MGMT: variants seen among roughly 807,000 people sequenced by gnomAD.
MGMT encodes O-6-methylguanine-DNA methyltransferase.
A neutral mutation model predicts 15.9 loss-of-function variants in MGMT; 14 were observed. That is an observed-to-expected ratio of 0.88 (90% CI 0.58 to 1.37). The LOEUF (loss-of-function observed/expected upper bound fraction) is 1.37, where lower values mean the gene tolerates loss of function less well. Among genes scored for constraint, MGMT ranks in the 40% most tolerant of loss-of-function variants. MGMT has a pLI of 0.00. For missense variants in MGMT, 282 were observed against 268.1 expected (o/e 1.05, Z -0.36); for synonymous variants, 130 against 118.2 (o/e 1.10, Z -0.65).
intron 2 of MGMT, among the ~76,000 whole-genome samples, chr10:129,677,803 G>A (rs1243453251): frequency 1.3e-5 from 2 of 152,174 alleles, no homozygotes; most frequent in South Asian, 2.1e-4. Flanking sequence ...AGGTCACCGA[G>A]GCCACTGCCA....
intron 2 of MGMT, among the ~76,000 whole-genome samples, chr10:129,587,055 C>T (rs1405013646): frequency 6.6e-6 from 1 of 152,140 alleles, no homozygotes; most frequent in Non-Finnish European, 1.5e-5. Context: ...AGATCTTGTT[C>T]CACTGTCTCT....
At chr10:129,583,008 A>G (rs889444764) in intron 2 of MGMT, among the ~76,000 whole-genome samples, 1 of 152,212 alleles carries the variant, frequency 6.6e-6, no homozygotes, top group African/African-American at 2.4e-5. Context: ...TCCCTAAAAG[A>G]CAGATTGCCA....
chr10:129,738,200 A>T (rs1342711482), intron 3 of MGMT, among the ~76,000 whole-genome samples: 1 of 152,188 alleles, frequency 6.6e-6, no homozygotes, highest in African/African-American at 2.4e-5. Context: ...GCTAGCAATC[A>T]GCGAGACTCC....
At chr10:129,737,890 T>G (rs868672508) in intron 3 of MGMT, among the ~76,000 whole-genome samples, 10 of 152,228 alleles carry the variant, frequency 6.6e-5, no homozygotes, top group African/African-American at 2.4e-4. Context: ...AGGGACCCAC[T>G]TGAGGAGGCA....
chr10:129,529,682 T>G (rs892350875), intron 1 of MGMT, among the ~76,000 whole-genome samples: 4 of 152,126 alleles, frequency 2.6e-5, no homozygotes, highest in Non-Finnish European at 5.9e-5. Flanking sequence ...TCAGAATTAT[T>G]TTACACCTCA....
chr10:129,539,806 T>C (rs1010361667), intron 2 of MGMT, among the ~76,000 whole-genome samples: 15 of 152,210 alleles, frequency 9.9e-5, no homozygotes, highest in Non-Finnish European at 1.9e-4. Flanking sequence ...GCGCCCGGCC[T>C]GTGATACATC....
intron 2 of MGMT, among the ~76,000 whole-genome samples, chr10:129,596,404 T>C (rs1352121541): frequency 6.6e-6 from 1 of 152,200 alleles, no homozygotes; most frequent in East Asian, 1.9e-4. Flanking sequence ...ACCAAGATGA[T>C]CTTGGAAAGA....
At chr10:129,523,146 G>A (rs1845831305) in intron 1 of MGMT, among the ~76,000 whole-genome samples, 1 of 152,246 alleles carries the variant, frequency 6.6e-6, no homozygotes, top group African/African-American at 2.4e-5. Flanking sequence ...TGAAGTGCCA[G>A]AAAATTCCCA....
chr10:129,485,968 C>G (rs1845404414), intron 1 of MGMT, among the ~76,000 whole-genome samples: 1 of 152,146 alleles, frequency 6.6e-6, no homozygotes, highest in South Asian at 2.1e-4. Flanking sequence ...TATTCTGGCC[C>G]TCACAGAATA....
chr10:129,702,725 G>A (rs1848113782), intron 2 of MGMT, among the ~76,000 whole-genome samples: 1 of 152,232 alleles, frequency 6.6e-6, no homozygotes, highest in Non-Finnish European at 1.5e-5. Flanking sequence ...GGGCTTCCGA[G>A]CAAAGGTGCT....
intron 3 of MGMT, among the ~76,000 whole-genome samples, chr10:129,755,112 C>T (rs955921977): frequency 2.0e-5 from 3 of 152,230 alleles, no homozygotes; most frequent in African/African-American, 7.2e-5. Flanking sequence ...TCAGCCCTCA[C>T]GTAGCTGCTC....
At chr10:129,552,849 C>T (rs1362609925) in intron 2 of MGMT, among the ~76,000 whole-genome samples, 3 of 152,208 alleles carry the variant, frequency 2.0e-5, no homozygotes, top group Non-Finnish European at 2.9e-5. Context: ...TTTTTCCCCA[C>T]GTGTGTCACC....
chr10:129,610,372 T>C (rs889330115), intron 2 of MGMT, among the ~76,000 whole-genome samples: 2 of 152,322 alleles, frequency 1.3e-5, no homozygotes, highest in African/African-American at 4.8e-5. Flanking sequence ...GCCAAACCAC[T>C]GTGCTCCAGC....
chr10:129,733,861 G>C (rs1165492663), intron 3 of MGMT, among the ~76,000 whole-genome samples: 3 of 152,156 alleles, frequency 2.0e-5, no homozygotes, highest in Non-Finnish European at 4.4e-5. Flanking sequence ...TCAAAGATCA[G>C]ATAGTTGTAG....
At chr10:129,528,529 G>A (rs1845895118) in intron 1 of MGMT, among the ~76,000 whole-genome samples, 1 of 152,038 alleles carries the variant, frequency 6.6e-6, no homozygotes, top group Admixed American at 6.6e-5. Context: ...GGGGAGCGGG[G>A]GCGTGGGTGC....
chr10:129,595,931 G>C (rs971402821), intron 2 of MGMT, among the ~76,000 whole-genome samples: 6 of 152,082 alleles, frequency 3.9e-5, no homozygotes, highest in African/African-American at 1.4e-4. Context: ...GATTATACAG[G>C]GACTGGGTAG....
chr10:129,741,975 T>C (rs1311398491), intron 3 of MGMT, among the ~76,000 whole-genome samples: 1 of 152,156 alleles, frequency 6.6e-6, no homozygotes, highest in Non-Finnish European at 1.5e-5. Flanking sequence ...ACGCCAGCTT[T>C]GCAAAGTGGT....
chr10:129,473,018 G>A (rs1420987976), intron 1 of MGMT, among the ~76,000 whole-genome samples: 2 of 152,202 alleles, frequency 1.3e-5, no homozygotes, highest in African/African-American at 4.8e-5. Context: ...TGGGCAGGTG[G>A]GCTTCATGTG....
chr10:129,639,254 A>G lies in MGMT; in HGVS notation c.126-68641A>G, dbSNP rs184203490. Among the ~76,000 whole-genome samples, 560 of 152,230 alleles carry G rather than the reference A, an allele frequency of 3.7e-3. 3 individuals carry two copies. The highest frequency in any genetic ancestry group is 6.7e-3 in the Non-Finnish European group (457 of 67,974). ...GCTATATTAGCATTAGATGATGTAT[A>G]TTCTACAAAAAAAGTTACTAGGGTT... On this transcript the variant is annotated intron_variant, in intron 2 of 4. Coordinates refer to ENST00000651593, the MANE Select transcript of MGMT (RefSeq NM_002412.5).
Sources: allele counts gnomAD v4.1 joint callset (sites outside exome capture counted in the v4.1 genomes callset), GRCh38; gene constraint gnomAD v4.1.1; transcripts MANE v1.5; gene names NCBI Gene and HGNC (gene_info 2026-07-23, HGNC 2026-07-21).